Variants in CEP83 observed in about 807,000 individuals in gnomAD.
CEP83 encodes the protein centrosomal protein of 83 kDa.
Under a neutral mutation model 101.9 loss-of-function variants are expected in CEP83, and 70 were observed. That is an observed-to-expected ratio of 0.69 (90% CI 0.57 to 0.84). The LOEUF is 0.84. CEP83 is among the 40% of genes least tolerant of loss of function. The pLI is 0.00. For missense variants in CEP83, 715 were observed against 787.2 expected (o/e 0.91, Z 1.10); for synonymous variants, 264 against 267.9 (o/e 0.99, Z 0.14).
rs896780547 is a variant in CEP83, at chr12:94,307,991, A to G, written c.*822T>C. Reference sequence around the variant, plus strand: ...CAGCAGAATTCCTCTAAAAGATGTCACATTAAAAAGGCTTCCAATGGGTGT... The same window carrying G: ...CAGCAGAATTCCTCTAAAAGATGTCGCATTAAAAAGGCTTCCAATGGGTGT... On this transcript the variant is annotated 3_prime_UTR_variant, in exon 17 of 17. Transcript: ENST00000397809. 3 of 152,172 alleles carry G rather than the reference A, an allele frequency of 2.0e-5. No homozygotes were observed. Among genetic ancestry groups the G allele is most frequent in the Non-Finnish European group, 4.4e-5 (3 of 68,036 alleles). The allele number at this position is 152,172 out of a possible 1,614,324, so 9.4% of individuals were successfully genotyped here.
Position 94,368,044 on chromosome 12 carries a change from A to AT in CEP83, c.1193+12dup, listed in dbSNP as rs1394260069. The AT allele has an allele frequency of 1.2e-6, 2 of 1,610,618 alleles. No individual in the cohort carries two copies. The highest frequency in any genetic ancestry group is 1.7e-6 in the Non-Finnish European group (2 of 1,177,854). Reference sequence around the variant, plus strand: ...AGGATATTTAAGTCAAACTAAGGTAATTAAGTACTTACTTTTCATCTTGTA... The same window carrying AT: ...AGGATATTTAAGTCAAACTAAGGTAATTTAAGTACTTACTTTTCATCTTGTA... On this transcript the variant is annotated intron_variant, in intron 10 of 16. Coordinates refer to ENST00000397809, the MANE Select transcript of CEP83 (RefSeq NM_016122.3).
chr12:94,284,386 C>G, the CEP83 span, among the ~76,000 whole-genome samples: 4 of 152,150 alleles, frequency 2.6e-5, no homozygotes, highest in Non-Finnish European at 5.9e-5. Context: ...GCAAGAGCAG[C>G]TTGGAGGTTA....
chr12:94,304,059 T>C (rs1449288099), downstream of CEP83: 1 of 1,465,940 alleles, frequency 6.8e-7, no homozygotes, highest in Non-Finnish European at 9.5e-7. Flanking sequence ...GAGGTAAGAT[T>C]TTAAATAACA....
chr12:94,278,463 A>T, the CEP83 span, among the ~76,000 whole-genome samples: 1 of 152,256 alleles, frequency 6.6e-6, no homozygotes, highest in Non-Finnish European at 1.5e-5. Flanking sequence ...GTGTTTTCAC[A>T]CGTGCACAAA....
chr12:94,275,066 T>G, the CEP83 span, among the ~76,000 whole-genome samples: 11 of 152,196 alleles, frequency 7.2e-5, no homozygotes, highest in African/African-American at 2.7e-4. Context: ...TTCCCTCAGC[T>G]GGTGAGCAGC....
chr12:94,415,349 G>T (rs2064187620), intron 2 of CEP83, among the ~76,000 whole-genome samples: 1 of 152,094 alleles, frequency 6.6e-6, no homozygotes, highest in African/African-American at 2.4e-5. Context: ...GCTGTAGAAG[G>T]TCTGGGCAAA....
chr12:94,340,918 T>C (rs536096030), intron 11 of CEP83, among the ~76,000 whole-genome samples: 22 of 152,338 alleles, frequency 1.4e-4, no homozygotes, highest in African/African-American at 4.6e-4. Flanking sequence ...TATTATCTAA[T>C]TGCATTTGAG....
intron 1 of CEP83, among the ~76,000 whole-genome samples, chr12:94,441,907 TCCGTCTCAAAAAAAAAAAAAAAAAAAAA>T: frequency 1.1e-5 from 1 of 93,178 alleles, no homozygotes; most frequent in Non-Finnish European, 1.9e-5. Flanking sequence ...AGAGCGAGAC[TCCGTCTCAAAAAAAAAAAAAAAAAAAAA>T]AACTAAAAGT....
At chr12:94,460,103 C>G (rs1417408848), upstream of CEP83, 1 of 152,450 alleles carries the variant, frequency 6.6e-6, no homozygotes, top group African/African-American at 2.4e-5. Flanking sequence ...GCGGCGGGGC[C>G]GGGCTGCGCT....
the CEP83 span, among the ~76,000 whole-genome samples, chr12:94,287,047 C>T: frequency 6.6e-6 from 1 of 152,218 alleles, no homozygotes; most frequent in African/African-American, 2.4e-5. Context: ...ATAACCATGG[C>T]AGCCAGTGCC....
the CEP83 span, among the ~76,000 whole-genome samples, chr12:94,286,170 T>C: frequency 3.9e-5 from 6 of 152,210 alleles, no homozygotes; most frequent in Non-Finnish European, 8.8e-5. Flanking sequence ...AAATGATTTA[T>C]TGGCCTCATA....
chr12:94,375,915 C>A lies in CEP83; in HGVS notation c.904G>T (p.Glu302Ter). 1 of 1,506,652 alleles carries A rather than the reference C, an allele frequency of 6.6e-7. No homozygotes were observed. Among genetic ancestry groups the A allele is most frequent in the South Asian group, 1.3e-5 (1 of 75,118 alleles). 93.3% of individuals were successfully genotyped at this position (1,506,652 alleles called of 1,614,324 possible). A position where few individuals can be genotyped will look rare whatever the true frequency, so the allele number is the denominator to read the frequency against. ...TFLINKLHKA[E>*]REINTLSSKV... ...CTGGACAATGTATTTATTTCTCGTT[C>A]AGCTTTATGCAATTTATTAATTAAA... Residue 302 changes from glutamate (E) to a stop codon, truncating the protein, a stop_gained, in exon 8 of 17, where the codon GAA (glutamate) becomes TAA (stop). Transcript: ENST00000397809. LOFTEE classifies it high-confidence loss of function.
In CEP83 at chr12:94,444,209, G is replaced by A. The variant is rs972023818; in HGVS notation, c.-154-8882C>T. ...AGGTCAGAAATTCAAGATCAGCCTG[G>A]CCAACGTGGTGAAACCCTTTCTCAA... On this transcript the variant is annotated intron_variant, in intron 1 of 16. Transcript: ENST00000397809. Among the ~76,000 whole-genome samples the A allele has an allele frequency of 1.4e-4, 21 of 152,150 alleles. 1 individual carries two copies. Among genetic ancestry groups the A allele is most frequent in the African/African-American group, 5.1e-4 (21 of 41,442 alleles).
At chr12:94,349,639 T>A (rs1425105296) in intron 11 of CEP83, among the ~76,000 whole-genome samples, 1 of 152,168 alleles carries the variant, frequency 6.6e-6, no homozygotes, top group Non-Finnish European at 1.5e-5. Flanking sequence ...TAAAGCCATA[T>A]ATGAAAAAGC....
intron 6 of CEP83, among the ~76,000 whole-genome samples, chr12:94,384,021 C>T (rs1394489582): frequency 6.6e-6 from 1 of 152,152 alleles, no homozygotes; most frequent in Admixed American, 6.5e-5. Context: ...AAGTCTATTA[C>T]ATATACCCAC....
At chr12:94,428,097 A>G (rs997965445) in intron 2 of CEP83, among the ~76,000 whole-genome samples, 3 of 152,206 alleles carry the variant, frequency 2.0e-5, no homozygotes, top group Non-Finnish European at 2.9e-5. Context: ...ATGTTATTCT[A>G]TTTTTACGAT....
chr12:94,446,051 T>C (rs754344222), intron 1 of CEP83, among the ~76,000 whole-genome samples: 4 of 152,268 alleles, frequency 2.6e-5, no homozygotes, highest in Admixed American at 6.5e-5. Flanking sequence ...CTGCCATATT[T>C]GTGATTATTT....
chr12:94,297,872 C>T, the CEP83 span, among the ~76,000 whole-genome samples: 1 of 152,168 alleles, frequency 6.6e-6, no homozygotes, highest in South Asian at 2.1e-4. Flanking sequence ...ATTCTGCTCA[C>T]ACATAAAAGT....
Position 94,390,437 on chromosome 12 carries a change from A to C in CEP83, c.549+10413T>G, listed in dbSNP as rs1318703513. On this transcript the variant is annotated intron_variant, in intron 6 of 16. Coordinates refer to ENST00000397809, the MANE Select transcript of CEP83 (RefSeq NM_016122.3). ...AGAAAGAAATAGCAGCAGGATCAAC[A>C]AAAAGGTCACCTACACCAAAACCCC... 3.3e-5 allele frequency among the ~76,000 whole-genome samples: 5 copies of C among 152,306 alleles called. No homozygotes were observed. In the East Asian group the frequency reaches 9.7e-4, roughly 29 times the overall value.
Sources: allele counts gnomAD v4.1 joint callset (sites outside exome capture counted in the v4.1 genomes callset), GRCh38; gene constraint gnomAD v4.1.1; transcripts MANE v1.5; gene names NCBI Gene and HGNC (gene_info 2026-07-23, HGNC 2026-07-21).